The following OR8D1 variants were observed in gnomAD, a reference collection of about 807,000 sequenced individuals.
OR8D1 encodes olfactory receptor family 8 subfamily D member 1, also known as olfactory receptor 8D1.
For missense variants in OR8D1, 384 were observed against 366.8 expected (o/e 1.05, Z -0.38); for synonymous variants, 143 against 147.0 (o/e 0.97, Z 0.20).
Position 124,309,763 on chromosome 11 carries a change from C to T in OR8D1, c.*77G>A, listed in dbSNP as rs1455821453. On this transcript the variant is annotated 3_prime_UTR_variant, in exon 3 of 3. Transcript: ENST00000641015. ...TATTATGTATGTTACAACAGAAGAACATGAAAATAGAAAAAAGGAATATAT... is the reference window on the plus strand; with the variant it reads ...TATTATGTATGTTACAACAGAAGAATATGAAAATAGAAAAAAGGAATATAT... 2 of 804,022 alleles carry T rather than the reference C, an allele frequency of 2.5e-6. No individual in the cohort carries two copies. Among genetic ancestry groups the T allele is most frequent in the East Asian group, 2.7e-5 (1 of 37,032 alleles). The allele number at this position is 804,022 out of a possible 1,614,324, so 49.8% of individuals were successfully genotyped here. A position where few individuals can be genotyped will look rare whatever the true frequency, so the allele number is the denominator to read the frequency against.
In OR8D1 at chr11:124,303,594, TA is replaced by T. The variant is rs1356666394; in HGVS notation, c.*6245del. The T allele has an allele frequency of 1.3e-5, 2 of 152,108 alleles. No individual in the cohort carries two copies. The highest frequency in any genetic ancestry group is 4.8e-5 in the African/African-American group (2 of 41,452). 9.4% of individuals were successfully genotyped at this position (152,108 alleles called of 1,614,324 possible). ...GATATCAATTATTTTGTGTTTCAGT[TA>T]TCCTTTTCTGATTTGTAGCTTGCCT... On this transcript the variant is annotated 3_prime_UTR_variant, in exon 3 of 3. Coordinates refer to ENST00000641015, the MANE Select transcript of OR8D1 (RefSeq NM_001002917.2).
rs1406523150 is a variant in OR8D1, at chr11:124,308,079, G to A, written c.*1761C>T. 6.6e-6 allele frequency: 1 copy of A among 152,096 alleles called. No homozygotes were observed. Among genetic ancestry groups the A allele is most frequent in the Non-Finnish European group, 1.5e-5 (1 of 68,008 alleles). 9.4% of individuals were successfully genotyped at this position (152,096 alleles called of 1,614,324 possible). A position where few individuals can be genotyped will look rare whatever the true frequency, so the allele number is the denominator to read the frequency against. ...AATACAGTTTTAAAATCTGGGTTTG[G>A]AACACCCTGTTTCTAAGAATCAAAT... On this transcript the variant is annotated 3_prime_UTR_variant, in exon 3 of 3. Transcript: ENST00000641015.
chr11:124,303,644 T>A lies in OR8D1; in HGVS notation c.*6196A>T, dbSNP rs1426820619. ...CTTTAGCTTTATGTATGATGCCTTT[T>A]ATTGTAAAGTTTTTTAATGTGGCTG... On this transcript the variant is annotated 3_prime_UTR_variant, in exon 3 of 3. Coordinates refer to ENST00000641015, the MANE Select transcript of OR8D1 (RefSeq NM_001002917.2). The A allele has an allele frequency of 6.6e-6, 1 of 152,082 alleles. No homozygotes were observed. The highest frequency in any genetic ancestry group is 1.5e-5 in the Non-Finnish European group (1 of 67,994). 9.4% of individuals were successfully genotyped at this position (152,082 alleles called of 1,614,324 possible).
In OR8D1 at chr11:124,309,955, T is replaced by A; in HGVS notation, c.812A>T (p.Glu271Val). ...GGTGTAGAACACAGAGGACACCTTC[T>A]CCTGGTCCAGGGAGTTACTTGAAGG... ...KPPSSNSLDQ[E>V]KVSSVFYTTV... The change falls in exon 3 of 3, where the codon GAG becomes GTG. Residue 271 changes from glutamate to valine, a missense_variant. Coordinates refer to ENST00000641015, the MANE Select transcript of OR8D1 (RefSeq NM_001002917.2). The A allele has an allele frequency of 6.4e-7, 1 of 1,560,268 alleles. No homozygotes were observed. Among genetic ancestry groups the A allele is most frequent in the Non-Finnish European group, 8.7e-7 (1 of 1,155,996 alleles).
chr11:124,312,239 G>T (rs181869278), intron 1 of OR8D1, among the ~76,000 whole-genome samples: 8 of 152,290 alleles, frequency 5.3e-5, no homozygotes, highest in Admixed American at 4.6e-4. Context: ...AGACACATGT[G>T]TTTCTTTGCC....
In OR8D1 at chr11:124,310,274, T is replaced by G. The variant is rs1307424840; in HGVS notation, c.493A>C (p.Lys165Gln). ...ATGTGGGATTTGCAAAAGGACAGTT[T>G]CATCATGGCACTTGTATGAGTCAAG... ...SALTHTSAMM[K>Q]LSFCKSHIIN... The change falls in exon 3 of 3, where the codon AAA becomes CAA. Residue 165 changes from lysine (K) to glutamine (Q), a missense_variant. Coordinates refer to ENST00000641015, the MANE Select transcript of OR8D1 (RefSeq NM_001002917.2). 1 of 1,613,808 alleles carries G rather than the reference T, an allele frequency of 6.2e-7. No individual in the cohort carries two copies. The highest frequency in any genetic ancestry group is 1.1e-5 in the South Asian group (1 of 91,080).
Position 124,310,463 on chromosome 11 carries a change from A to G in OR8D1, c.304T>C (p.Phe102Leu), listed in dbSNP as rs2510433. 1 of 1,613,588 alleles carries G rather than the reference A, an allele frequency of 6.2e-7. No homozygotes were observed. The highest frequency in any genetic ancestry group is 1.3e-5 in the African/African-American group (1 of 74,936). The change falls in exon 3 of 3, where the codon TTT becomes CTT. Residue 102 changes from phenylalanine (F) to leucine (L), a missense_variant. Coordinates refer to ENST00000641015, the MANE Select transcript of OR8D1 (RefSeq NM_001002917.2). ...ILYSECMVQL[F>L]FFVVFVVAEG... is the part of the protein sequence containing the mutation. ...GCCACCACAAAGACCACAAAGAAAA[A>G]GAGCTGGACCATGCACTCAGAGTAA...
intron 1 of OR8D1, among the ~76,000 whole-genome samples, chr11:124,313,502 G>T (rs187528621): frequency 1.3e-5 from 2 of 152,200 alleles, no homozygotes; most frequent in Non-Finnish European, 2.9e-5. Context: ...CTTAGACTAG[G>T]AATCATTCCT....
In OR8D1 at chr11:124,305,381, A is replaced by G. The variant is rs749289992; in HGVS notation, c.*4459T>C. ...TTCTTGGAAATGCTAATAATCTACA[A>G]TGACAAAAGTGGATTCATGATTGCC... On this transcript the variant is annotated 3_prime_UTR_variant, in exon 3 of 3. Coordinates refer to ENST00000641015, the MANE Select transcript of OR8D1 (RefSeq NM_001002917.2). 4 of 151,910 alleles carry G rather than the reference A, an allele frequency of 2.6e-5. No homozygotes were observed. The highest frequency in any genetic ancestry group is 1.9e-4 in the East Asian group (1 of 5,184). The allele number at this position is 151,910 out of a possible 1,614,324, so 9.4% of individuals were successfully genotyped here.
At position 124,310,177 on chromosome 11, in the gene OR8D1, A is replaced by G; in HGVS notation, c.590T>C (p.Leu197Pro). The change falls in exon 3 of 3, where the codon CTT becomes CCT. Residue 197 changes from leucine (L) to proline (P), a missense_variant. Transcript: ENST00000641015. ...AAACCCCGCAATGATAAAAAGTAGA[A>G]GCTCATTGAGGTGTGTGTTGGAGCA... is the stretch of plus-strand genomic sequence containing the variant. Reference protein sequence around the residue: ...LSCSNTHLNELLLFIIAGFNT... With the variant: ...LSCSNTHLNEPLLFIIAGFNT... 6.2e-7 allele frequency: 1 copy of G among 1,613,694 alleles called. No individual in the cohort carries two copies. Among genetic ancestry groups the G allele is most frequent in the Non-Finnish European group, 8.5e-7 (1 of 1,179,860 alleles).
In OR8D1 at chr11:124,308,612, C is replaced by A. The variant is rs1862386702; in HGVS notation, c.*1228G>T. 6.6e-6 allele frequency: 1 copy of A among 152,026 alleles called. No homozygotes were observed. Among genetic ancestry groups the A allele is most frequent in the African/African-American group, 2.4e-5 (1 of 41,420 alleles). The allele number at this position is 152,026 out of a possible 1,614,324, so 9.4% of individuals were successfully genotyped here. ...AGGATTTTGGTAGATACAAAATTTA[C>A]TGATTTCTTATTTCTTGCTTGGAAT... On this transcript the variant is annotated 3_prime_UTR_variant, in exon 3 of 3. Coordinates refer to ENST00000641015, the MANE Select transcript of OR8D1 (RefSeq NM_001002917.2).
chr11:124,310,559 C>T lies in OR8D1; in HGVS notation c.208G>A (p.Asp70Asn), dbSNP rs776001694. ...GTAATGACAGAGGAATAGCAGAAAT[C>T]GACGAAGGACAAGCTGCTGAGGAAA... ...YYFLSSLSFV[D>N]FCYSSVITPK... Residue 70 changes from aspartate (D) to asparagine (N), a missense_variant, in exon 3 of 3, where the codon GAT (aspartate) becomes AAT (asparagine). Asp to Asn is a conservative substitution (Grantham distance 23, BLOSUM62 1). Coordinates refer to ENST00000641015, the MANE Select transcript of OR8D1 (RefSeq NM_001002917.2). 14 of 1,613,602 alleles carry T rather than the reference C, an allele frequency of 8.7e-6. No individual in the cohort carries two copies. The highest frequency in any genetic ancestry group is 1.3e-5 in the African/African-American group (1 of 74,850).
chr11:124,310,474 A>T lies in OR8D1; in HGVS notation c.293T>A (p.Met98Lys). ...KKNTILYSEC[M>K]VQLFFFVVFV... The stretch of plus-strand genomic sequence containing the variant: ...GACCACAAAGAAAAAGAGCTGGACC[A>T]TGCACTCAGAGTAAAGGATTGTATT... Residue 98 changes from methionine to lysine, a missense_variant, in exon 3 of 3, where the codon ATG becomes AAG. Coordinates refer to ENST00000641015, the MANE Select transcript of OR8D1 (RefSeq NM_001002917.2). The T allele has an allele frequency of 5.0e-6, 8 of 1,613,772 alleles. No individual in the cohort carries two copies. The highest frequency in any genetic ancestry group is 6.8e-6 in the Non-Finnish European group (8 of 1,179,910).
At position 124,309,088 on chromosome 11, in the gene OR8D1, C is replaced by T. The variant is rs892481784; in HGVS notation, c.*752G>A. 1 of 152,054 alleles carries T rather than the reference C, an allele frequency of 6.6e-6. No individual in the cohort carries two copies. Among genetic ancestry groups the T allele is most frequent in the African/African-American group, 2.4e-5 (1 of 41,426 alleles). The allele number at this position is 152,054 out of a possible 1,614,324, so 9.4% of individuals were successfully genotyped here. Reference sequence around the variant, plus strand: ...GAAACAAATGTGGGGGTTATATCTTCCCTATGAGGAAGGTTTTTCAACCTT... The same window carrying T: ...GAAACAAATGTGGGGGTTATATCTTTCCTATGAGGAAGGTTTTTCAACCTT... On this transcript the variant is annotated 3_prime_UTR_variant, in exon 3 of 3. Transcript: ENST00000641015.
At position 124,308,825 on chromosome 11, in the gene OR8D1, A is replaced by G. The variant is rs1862388889; in HGVS notation, c.*1015T>C. 1 of 152,174 alleles carries G rather than the reference A, an allele frequency of 6.6e-6. No individual in the cohort carries two copies. The highest frequency in any genetic ancestry group is 2.4e-5 in the African/African-American group (1 of 41,452). 9.4% of individuals were successfully genotyped at this position (152,174 alleles called of 1,614,324 possible). A position where few individuals can be genotyped will look rare whatever the true frequency, so the allele number is the denominator to read the frequency against. The stretch of plus-strand genomic sequence containing the variant: ...GAAATTCAATGGAATATTCCTGGGA[A>G]GAAGAGAAAACAGCTGAGGGATGCA... On this transcript the variant is annotated 3_prime_UTR_variant, in exon 3 of 3. Transcript: ENST00000641015.
intron 2 of OR8D1, 150 bp downstream of exon 2, chr11:124,311,422 A>G (rs1414607652): frequency 6.6e-6 from 1 of 152,502 alleles, no homozygotes; most frequent in East Asian, 1.9e-4. Context: ...CACTGATGAG[A>G]ACAATCTCTT....
intron 1 of OR8D1, among the ~76,000 whole-genome samples, chr11:124,312,501 T>C (rs546089547): frequency 5.3e-4 from 79 of 149,846 alleles, no homozygotes; most frequent in South Asian, 1.7e-3. Flanking sequence ...CCTCAGAACA[T>C]TTTTCTTTCT....
In OR8D1 at chr11:124,310,041, G is replaced by A; in HGVS notation, c.726C>T (p.Ser242=). 1 of 1,612,482 alleles carries A rather than the reference G, an allele frequency of 6.2e-7. No homozygotes were observed. Among genetic ancestry groups the A allele is most frequent in the Non-Finnish European group, 8.5e-7 (1 of 1,179,136 alleles). ...AGATCACCACAGCCATGAGATGAGA[G>A]CTGCATGTTCCAAAAGCTTTGGACC... ...EGRSKAFGTC[S]SHLMAVVIFF... Residue 242 remains serine (S), a synonymous_variant, in exon 3 of 3, where the codon AGC becomes AGT. Coordinates refer to ENST00000641015, the MANE Select transcript of OR8D1 (RefSeq NM_001002917.2).
intron 2 of OR8D1, 73 bp from the exon 3 acceptor site, chr11:124,310,855 A>G: frequency 1.1e-6 from 1 of 941,768 alleles, no homozygotes; most frequent in South Asian, 1.6e-5. Flanking sequence ...CAAATTGCAT[A>G]AGGGAGGTTG....
Sources: allele counts gnomAD v4.1 joint callset (sites outside exome capture counted in the v4.1 genomes callset), GRCh38; gene constraint gnomAD v4.1.1; transcripts MANE v1.5; gene names NCBI Gene and HGNC (gene_info 2026-07-23, HGNC 2026-07-21).